The following RUFY4 variants were observed in gnomAD, a reference collection of about 807,000 sequenced individuals.
RUFY4 encodes the protein RUN and FYVE domain containing 4.
A neutral mutation model predicts 69.0 loss-of-function variants in RUFY4; 73 were observed. That is an observed-to-expected ratio of 1.06 (90% CI 0.88 to 1.29). RUFY4 has a LOEUF of 1.29. RUFY4 is among the 50% of genes most tolerant of loss of function. The pLI, the probability that RUFY4 is intolerant of heterozygous loss-of-function variation, is 0.00. For synonymous variants in RUFY4, 287 were observed against 271.8 expected, an observed-to-expected ratio of 1.06 and a Z score of -0.55; for missense variants, 770 against 705.6, an observed-to-expected ratio of 1.09 and a Z score of -1.03.
chr2:218,064,603 G>T (rs1463253265), upstream of RUFY4, among the ~76,000 whole-genome samples: 1 of 152,122 alleles, frequency 6.6e-6, no homozygotes, highest in Non-Finnish European at 1.5e-5. Context: ...CAGCTGGCAG[G>T]GGAAGGTGCA....
intron 5 of RUFY4, 78 bp from the exon 8 acceptor site, chr2:218,073,738 G>A: frequency 1.3e-6 from 2 of 1,512,656 alleles, no homozygotes; most frequent in Non-Finnish European, 1.8e-6. Context: ...CTAGTGGAAA[G>A]ATGGGATACC....
At chr2:218,050,592 T>C (rs1340738068) in intron 2 of RUFY4, among the ~76,000 whole-genome samples, 1 of 152,212 alleles carries the variant, frequency 6.6e-6, no homozygotes, top group Non-Finnish European at 1.5e-5. Context: ...AACTACAAAA[T>C]CCACAGCATT....
Position 218,042,388 on chromosome 2 carries a change from G to A in RUFY4, c.-1158+6994G>A, listed in dbSNP as rs559802765. Among the ~76,000 whole-genome samples, 13 of 152,292 alleles carry A rather than the reference G, an allele frequency of 8.5e-5. No homozygotes were observed. The East Asian group carries it at 2.1e-3, about 25-fold the overall frequency. ...TATGAGCCTAAGTTTTTCTTGTTAA[G>A]TTACAAGCTTGAAGAGAACTCAGGG... is the stretch of plus-strand genomic sequence containing the variant. On this transcript the variant is annotated intron_variant and NMD_transcript_variant, in intron 2 of 13. Transcript: ENST00000457754.
chr2:218,073,871 G>A (rs146161785), exon 6 of RUFY4: 1 of 1,613,928 alleles, frequency 6.2e-7, no homozygotes, highest in African/African-American at 1.3e-5. Flanking sequence ...AAAAAACAAA[G>A]ATGCCCCAAA....
intron 3 of RUFY4, 44 bp downstream of exon 5, chr2:218,072,543 G>A (rs759741669): frequency 1.3e-6 from 2 of 1,531,188 alleles, no homozygotes; most frequent in South Asian, 2.4e-5. Context: ...GGTGGGGGTA[G>A]ACATAGGCCT....
At chr2:218,049,632 A>G (rs979008896) in intron 2 of RUFY4, among the ~76,000 whole-genome samples, 1 of 151,736 alleles carries the variant, frequency 6.6e-6, no homozygotes, top group Admixed American at 6.6e-5. Flanking sequence ...TCAGCCTCCC[A>G]AGTAGCTGGG....
At chr2:218,082,989 C>T in intron 8 of RUFY4, 121 bp from the exon 11 acceptor site, 4 of 1,011,196 alleles carry the variant, frequency 4.0e-6, no homozygotes, top group South Asian at 3.2e-5. Flanking sequence ...GTGTGGACTT[C>T]AGCTGCCGGG....
chr2:218,063,344 G>T (rs140373091), intron 3 of RUFY4, among the ~76,000 whole-genome samples: 211 of 152,268 alleles, frequency 1.4e-3, no homozygotes, highest in African/African-American at 4.8e-3. Context: ...CACTCACCAG[G>T]CTGGGCACAG....
chr2:218,066,337 C>T (rs1367428399), upstream of RUFY4, among the ~76,000 whole-genome samples: 1 of 152,024 alleles, frequency 6.6e-6, no homozygotes, highest in Admixed American at 6.6e-5. Flanking sequence ...GCGCCTGCAA[C>T]CACACTCAGC....
intron 3 of RUFY4, among the ~76,000 whole-genome samples, chr2:218,058,985 C>T (rs1689124303): frequency 6.6e-6 from 1 of 152,166 alleles, no homozygotes; most frequent in African/African-American, 2.4e-5. Flanking sequence ...TGAGGGGATG[C>T]AAGGCTGGGC....
intron 2 of RUFY4, among the ~76,000 whole-genome samples, chr2:218,037,017 A>G (rs532242681): frequency 1.3e-5 from 2 of 152,326 alleles, no homozygotes; most frequent in East Asian, 1.9e-4. Flanking sequence ...AGTCCAGTCT[A>G]CAGGTAGATA....
chr2:218,074,942 T>A (rs1307227417), intron 6 of RUFY4, 151 bp from the exon 9 acceptor site: 2 of 843,980 alleles, frequency 2.4e-6, no homozygotes, highest in Admixed American at 6.1e-5. Flanking sequence ...AAAGTCAGAT[T>A]TGGGGTTTGA....
At chr2:218,087,657 C>T (rs1689926042) in intron 9 of RUFY4, among the ~76,000 whole-genome samples, 1 of 151,986 alleles carries the variant, frequency 6.6e-6, no homozygotes, top group South Asian at 2.1e-4. Flanking sequence ...GCTGAAACCC[C>T]ATCTCTACTA....
chr2:218,083,114 C>T lies in RUFY4; in HGVS notation c.1360C>T (p.Gln454Ter). ...TAGTCTTCCTTCTGTACCCAGGTGT[C>T]AGGAAGAGAGAGCCGAGCTGCAGGC... Residue 454 changes from glutamine to a stop codon, truncating the protein, a stop_gained, in exon 9 of 11, where the codon CAG becomes TAG. Transcript: ENST00000344321. LOFTEE classifies it high-confidence loss of function. 6.2e-7 allele frequency: 1 copy of T among 1,612,888 alleles called. No individual in the cohort carries two copies. The highest frequency in any genetic ancestry group is 8.5e-7 in the Non-Finnish European group (1 of 1,179,732).
intron 3 of RUFY4, chr2:218,059,913 G>T (rs2106036905): frequency 5.9e-6 from 1 of 170,412 alleles, no homozygotes; most frequent in Admixed American, 6.2e-5. Context: ...GTCTTCCGCA[G>T]TGGCCACAAC....
intron 8 of RUFY4, among the ~76,000 whole-genome samples, chr2:218,076,734 C>T (rs570745099): frequency 8.5e-5 from 13 of 152,180 alleles, no homozygotes; most frequent in African/African-American, 3.1e-4. Context: ...ATCCCTTTCT[C>T]GTAGGTCTCC....
At chr2:218,073,907 T>A (rs1675428049) in intron 6 of RUFY4, 22 bp downstream of exon 8, 1 of 1,612,500 alleles carries the variant, frequency 6.2e-7, no homozygotes, top group African/African-American at 1.3e-5. Context: ...CTGCCTTCAC[T>A]CTGAGTTGCC....
At chr2:218,084,176 G>A (rs1045564352) in intron 9 of RUFY4, among the ~76,000 whole-genome samples, 2 of 152,054 alleles carry the variant, frequency 1.3e-5, no homozygotes, top group Non-Finnish European at 2.9e-5. Context: ...TCAGGAAACA[G>A]GAGACCAGTG....
At chr2:218,037,180 C>T (rs1020218537) in intron 2 of RUFY4, among the ~76,000 whole-genome samples, 1 of 151,882 alleles carries the variant, frequency 6.6e-6, no homozygotes, top group Non-Finnish European at 1.5e-5. Flanking sequence ...ATTAGCCGGG[C>T]GTGGTGGCAG....
Sources: gnomAD v4.1 joint callset for allele counts (sites outside exome capture counted in the v4.1 genomes callset) on GRCh38, gnomAD v4.1.1 for gene constraint, MANE v1.5 for transcripts, NCBI Gene and HGNC (gene_info 2026-07-23, HGNC 2026-07-21) for gene names.